LRRC3B: variants seen among roughly 807,000 people sequenced by gnomAD.
LRRC3B encodes the protein leucine-rich repeat-containing protein 3B.
In LRRC3B, 2 loss-of-function variants were observed where a neutral mutation model predicts 12.8. The ratio of observed to expected loss-of-function variants is 0.16; its 90% CI spans 0.06 to 0.49. The LOEUF is 0.49. Ranked by LOEUF, LRRC3B falls within the 20% of genes least tolerant of loss-of-function variation. The pLI is 0.96. For synonymous variants in LRRC3B, 132 were observed against 122.0 expected (o/e 1.08, Z -0.54); for missense variants, 189 against 319.4 (o/e 0.59, Z 3.11).
rs567185111 is a variant in LRRC3B at position 26,708,798 on chromosome 3, G to T, written c.-160-715G>T. 2.0e-5 allele frequency among the ~76,000 whole-genome samples: 3 copies of T among 152,246 alleles called. No homozygotes were observed. The South Asian group carries it at 6.2e-4, about 32-fold the overall frequency. On this transcript the variant is annotated intron_variant, in intron 1 of 1. Transcript: ENST00000396641. ...TTCTCTTGTTATATAAAAAAGTCAT[G>T]GAGGTGTGTGCCATATTTAAGCATT...
chr3:26,665,323 C>T (rs9857352), intron 1 of LRRC3B, among the ~76,000 whole-genome samples: 51,072 of 151,916 alleles, frequency 0.34, 11,466 homozygotes, highest in East Asian at 0.62. Flanking sequence ...CTTCACTTTG[C>T]TTGATTGAAA....
intron 1 of LRRC3B, among the ~76,000 whole-genome samples, chr3:26,679,513 C>T (rs1473142237): frequency 6.6e-6 from 1 of 152,212 alleles, no homozygotes; most frequent in East Asian, 1.9e-4. Context: ...GTACCTTTCA[C>T]TGTCTTCAAA....
rs1699814774 is a variant in LRRC3B at position 26,674,369 on chromosome 3, A to G, written c.-160-35144A>G. On this transcript the variant is annotated intron_variant, in intron 1 of 1. Transcript: ENST00000396641. ...AACATGAAACTAAATGGACTAAAAA[A>G]AAGTTTAAGCTTTTGACTAATTTAG... 5.3e-5 allele frequency among the ~76,000 whole-genome samples: 8 copies of G among 152,250 alleles called. No individual in the cohort carries two copies. The South Asian group carries it at 6.2e-4, about 12-fold the overall frequency.
Position 26,677,570 on chromosome 3 carries a change from C to T in LRRC3B, c.-160-31943C>T, listed in dbSNP as rs150182672. On this transcript the variant is annotated intron_variant, in intron 1 of 1. Transcript: ENST00000396641. ...ATTGGGCAGTGGGCCAGCTTGTTGG[C>T]GGACACTGGGAGCATCCCTGTGCTA... 1.1e-3 allele frequency among the ~76,000 whole-genome samples: 163 copies of T among 152,284 alleles called. No homozygotes were observed. The East Asian group carries it at 0.014, about 13-fold the overall frequency.
chr3:26,647,701 A>G (rs1343702351), intron 1 of LRRC3B, among the ~76,000 whole-genome samples: 2 of 152,162 alleles, frequency 1.3e-5, no homozygotes, highest in Admixed American at 6.5e-5. Context: ...CATTGCCAGG[A>G]GTTTCAAATG....
At chr3:26,708,329 G>A (rs1292650154) in intron 1 of LRRC3B, among the ~76,000 whole-genome samples, 2 of 152,182 alleles carry the variant, frequency 1.3e-5, no homozygotes, top group African/African-American at 2.4e-5. Flanking sequence ...TAGCATAAAA[G>A]ATAGGGCTGC....
At chr3:26,643,954 C>T (rs551912383) in intron 1 of LRRC3B, among the ~76,000 whole-genome samples, 17 of 152,306 alleles carry the variant, frequency 1.1e-4, no homozygotes, top group African/African-American at 3.4e-4. Flanking sequence ...CACACATATA[C>T]GCACAAAGAG....
chr3:26,630,574 C>G (rs1466971177), intron 1 of LRRC3B, among the ~76,000 whole-genome samples: 1 of 152,130 alleles, frequency 6.6e-6, no homozygotes, highest in Non-Finnish European at 1.5e-5. Flanking sequence ...ATAACTGTGG[C>G]AGCTGTATTG....
chr3:26,670,244 T>TG (rs1699692335), intron 1 of LRRC3B, among the ~76,000 whole-genome samples: 1 of 152,194 alleles, frequency 6.6e-6, no homozygotes, highest in South Asian at 2.1e-4. Context: ...CACTTTGCCT[T>TG]GCAGAAATGA....
intron 1 of LRRC3B, among the ~76,000 whole-genome samples, chr3:26,654,565 T>G (rs1302891074): frequency 2.0e-5 from 3 of 152,278 alleles, no homozygotes; most frequent in South Asian, 4.1e-4. Context: ...AAGACTTCTT[T>G]GATGGGGAGT....
chr3:26,704,432 C>A (rs1255953517), intron 1 of LRRC3B, among the ~76,000 whole-genome samples: 1 of 152,102 alleles, frequency 6.6e-6, no homozygotes, highest in Non-Finnish European at 1.5e-5. Context: ...ATGATAAGTA[C>A]TTTAACCTGA....
At chr3:26,645,796 G>C (rs1432063811) in intron 1 of LRRC3B, among the ~76,000 whole-genome samples, 1 of 152,188 alleles carries the variant, frequency 6.6e-6, no homozygotes, top group African/African-American at 2.4e-5. Flanking sequence ...TATCATGTCA[G>C]AAAGTGATTG....
intron 1 of LRRC3B, among the ~76,000 whole-genome samples, chr3:26,697,406 T>G (rs116779695): frequency 0.01 from 1,572 of 152,154 alleles, 26 homozygotes; most frequent in African/African-American, 0.036. Context: ...CTGTGTTAGA[T>G]CTCCCTCTGT....
intron 1 of LRRC3B, among the ~76,000 whole-genome samples, chr3:26,649,880 C>T (rs183421333): frequency 1.3e-5 from 2 of 152,264 alleles, no homozygotes; most frequent in Non-Finnish European, 2.9e-5. Flanking sequence ...TCTTAACACA[C>T]TTTCCCTTTT....
At chr3:26,668,393 T>C (rs1166000757) in intron 1 of LRRC3B, among the ~76,000 whole-genome samples, 2 of 152,096 alleles carry the variant, frequency 1.3e-5, no homozygotes, top group Non-Finnish European at 2.9e-5. Flanking sequence ...AATGGGACAA[T>C]GGGGGATCCA....
intron 1 of LRRC3B, among the ~76,000 whole-genome samples, chr3:26,678,061 C>A (rs568869659): frequency 6.6e-6 from 1 of 152,076 alleles, no homozygotes; most frequent in African/African-American, 2.4e-5. Context: ...AAGTGACCAA[C>A]CTGCCTTGGC....
chr3:26,671,754 G>A (rs1699753981), intron 1 of LRRC3B, among the ~76,000 whole-genome samples: 1 of 152,066 alleles, frequency 6.6e-6, no homozygotes, highest in African/African-American at 2.4e-5. Context: ...TGAAGAAAAT[G>A]AGGCTTAGTA....
At chr3:26,696,988 G>A (rs1700333899) in intron 1 of LRRC3B, among the ~76,000 whole-genome samples, 1 of 152,070 alleles carries the variant, frequency 6.6e-6, no homozygotes. Flanking sequence ...TTTGTAATCT[G>A]ATGTTTTTGT....
chr3:26,656,760 C>G (rs1173197660), intron 1 of LRRC3B, among the ~76,000 whole-genome samples: 2 of 152,202 alleles, frequency 1.3e-5, no homozygotes, highest in East Asian at 3.9e-4. Context: ...AGTTGCTCAT[C>G]TGAAAATCAG....
Sources: gnomAD v4.1 joint callset for allele counts (sites outside exome capture counted in the v4.1 genomes callset) on GRCh38, gnomAD v4.1.1 for gene constraint, MANE v1.5 for transcripts, NCBI Gene and HGNC (gene_info 2026-07-23, HGNC 2026-07-21) for gene names.